The following NF1 variants were observed in gnomAD, a reference collection of about 807,000 sequenced individuals.
NF1 encodes neurofibromin.
NF1 carries 122 observed loss-of-function variants against 325.7 expected under a neutral mutation model. The observed-to-expected ratio is 0.37, with a 90% confidence interval of 0.32 to 0.44. The LOEUF (loss-of-function observed/expected upper bound fraction) is 0.44. Among genes scored for constraint, NF1 ranks in the 20% least tolerant of loss-of-function variants. NF1 has a pLI of 1.00. For synonymous variants in NF1, 1,091 were observed against 1,186.0 expected, an observed-to-expected ratio of 0.92 and a Z score of 1.65; for missense variants, 2,140 against 3,415.4, an observed-to-expected ratio of 0.63 and a Z score of 9.31.
rs114468646 is a variant in NF1 at position 31,095,887 on chromosome 17, C to T, written c.60+518C>T. Among the ~76,000 whole-genome samples the T allele has an allele frequency of 3.0e-3, 452 of 152,180 alleles. 3 individuals are homozygous for T. The highest frequency in any genetic ancestry group is 0.01 in the African/African-American group (433 of 41,512). ...TCCGCCCCTCCCCCAGTTTCTTCAG[C>T]TTCCTCTCCTGGAGGGGGAAGAGCA... On this transcript the variant is annotated intron_variant, in intron 1 of 57. Coordinates refer to ENST00000358273, the MANE Select transcript of NF1 (RefSeq NM_001042492.3).
At chr17:31,247,390 G>A (rs7213947) in intron 29 of NF1, among the ~76,000 whole-genome samples, 103 of 152,252 alleles carry the variant, frequency 6.8e-4, no homozygotes, top group African/African-American at 2.4e-3. Flanking sequence ...TTAGATACCA[G>A]TGGGGAGGGG....
chr17:31,175,689 C>T (rs1446561661), intron 5 of NF1, among the ~76,000 whole-genome samples: 1 of 152,064 alleles, frequency 6.6e-6, no homozygotes, highest in Non-Finnish European at 1.5e-5. Context: ...CCCCCACCCC[C>T]CGACAGGCAC....
chr17:31,139,932 C>T (rs1209014827), intron 1 of NF1, among the ~76,000 whole-genome samples: 2 of 152,178 alleles, frequency 1.3e-5, no homozygotes, highest in Non-Finnish European at 2.9e-5. Flanking sequence ...CTTGGAGAGA[C>T]CACTTGTTCT....
chr17:31,303,713 GTTGATGT>G (rs2068629498), intron 36 of NF1: 1 of 152,130 alleles, frequency 6.6e-6, no homozygotes, highest in South Asian at 2.1e-4. Context: ...CAACCCTTCA[GTTGATGT>G]TTTAACATGT....
At chr17:31,188,861 C>T (rs2066288148) in intron 8 of NF1, among the ~76,000 whole-genome samples, 1 of 152,194 alleles carries the variant, frequency 6.6e-6, no homozygotes, top group South Asian at 2.1e-4. Context: ...TCTTCAAGTT[C>T]TTCAGTTTTG....
At chr17:31,193,301 C>G (rs2066378920) in intron 8 of NF1, among the ~76,000 whole-genome samples, 1 of 152,082 alleles carries the variant, frequency 6.6e-6, no homozygotes, top group Non-Finnish European at 1.5e-5. Flanking sequence ...AGGTCATTGT[C>G]TTTAACTGCT....
intron 36 of NF1, among the ~76,000 whole-genome samples, chr17:31,274,128 A>G (rs2067956424): frequency 6.6e-6 from 1 of 152,220 alleles, no homozygotes; most frequent in African/African-American, 2.4e-5. Context: ...CTTCATTAAT[A>G]TGAAACTTAA....
intron 1 of NF1, among the ~76,000 whole-genome samples, chr17:31,151,798 T>C (rs1597620890): frequency 6.6e-6 from 1 of 152,240 alleles, no homozygotes. Context: ...GTTTGTTGAA[T>C]GCATAGATGG....
chr17:31,285,873 C>CA (rs1446119574), intron 36 of NF1, among the ~76,000 whole-genome samples: 1 of 152,136 alleles, frequency 6.6e-6, no homozygotes, highest in Non-Finnish European at 1.5e-5. Flanking sequence ...TTGAAAGGAA[C>CA]AGCCCCAGAG....
chr17:31,214,653 A>G (rs2066789746), intron 13 of NF1, 68 bp downstream of exon 13: 1 of 1,507,500 alleles, frequency 6.6e-7, no homozygotes, highest in Non-Finnish European at 9.2e-7. Flanking sequence ...CTGAAACGCC[A>G]AGACCTTGAG....
intron 57 of NF1, among the ~76,000 whole-genome samples, chr17:31,367,697 C>T (rs538181415): frequency 1.8e-3 from 271 of 152,206 alleles, no homozygotes; most frequent in Non-Finnish European, 3.2e-3. Flanking sequence ...TATTCAATCA[C>T]CTGTGGTTAA....
At chr17:31,243,213 T>TGTGTGTGTGTGTGTG (rs57229549) in intron 29 of NF1, among the ~76,000 whole-genome samples, 24 of 150,824 alleles carry the variant, frequency 1.6e-4, no homozygotes, top group Non-Finnish European at 1.9e-4. Flanking sequence ...TGTGTGTGTG[T>TGTGTGTGTGTGTGTG]TGAGCTGCCT....
At chr17:31,253,216 C>T (rs1237078557) in intron 31 of NF1, 4 of 517,418 alleles carry the variant, frequency 7.7e-6, no homozygotes, top group Non-Finnish European at 1.4e-5. Flanking sequence ...ATCCCAAAGG[C>T]AATTTGTGGG....
chr17:31,250,527 A>G (rs2067476488), intron 30 of NF1: 2 of 203,592 alleles, frequency 9.8e-6, no homozygotes, highest in South Asian at 1.9e-4. Context: ...ACATGATTAC[A>G]TGGTCTAGGA....
chr17:31,353,173 T>C (rs940431717), intron 51 of NF1, among the ~76,000 whole-genome samples: 7 of 152,168 alleles, frequency 4.6e-5, no homozygotes, highest in Non-Finnish European at 8.8e-5. Flanking sequence ...CCTCCCAAAG[T>C]GCTGAGATTA....
At chr17:31,373,376 G>A (rs1030668076) in intron 57 of NF1, among the ~76,000 whole-genome samples, 1 of 152,208 alleles carries the variant, frequency 6.6e-6, no homozygotes, top group African/African-American at 2.4e-5. Flanking sequence ...TGATTTGGAG[G>A]AAGGAGCACT....
At chr17:31,237,860 T>C (rs901406411) in intron 29 of NF1, among the ~76,000 whole-genome samples, 2 of 152,134 alleles carry the variant, frequency 1.3e-5, no homozygotes, top group African/African-American at 4.8e-5. Flanking sequence ...GAGAACTAGA[T>C]GGCAAACAAT....
At chr17:31,133,006 A>G (rs1286086550) in intron 1 of NF1, among the ~76,000 whole-genome samples, 1 of 152,198 alleles carries the variant, frequency 6.6e-6, no homozygotes, top group Non-Finnish European at 1.5e-5. Flanking sequence ...CACATAACAT[A>G]AACGTTACCA....
At chr17:31,156,740 T>G (rs2065670388) in intron 2 of NF1, among the ~76,000 whole-genome samples, 1 of 152,184 alleles carries the variant, frequency 6.6e-6, no homozygotes, top group South Asian at 2.1e-4. Context: ...TCCCATTTTC[T>G]AAAATCGATT....
Sources: gnomAD v4.1 joint callset for allele counts (sites outside exome capture counted in the v4.1 genomes callset) on GRCh38, gnomAD v4.1.1 for gene constraint, MANE v1.5 for transcripts, NCBI Gene and HGNC (gene_info 2026-07-23, HGNC 2026-07-21) for gene names.